The following COL4A4 variants were observed in gnomAD, a reference collection of about 807,000 sequenced individuals.
COL4A4 encodes the protein collagen type IV alpha 4 chain.
In COL4A4, 105 loss-of-function variants were observed where a neutral mutation model predicts 192.9. The observed-to-expected ratio is 0.54, with a 90% CI of 0.46 to 0.64. COL4A4 has a LOEUF of 0.64. COL4A4 is among the 30% of genes least tolerant of loss of function. The pLI is 0.00. For missense variants in COL4A4, 1,967 were observed against 2,169.3 expected, an observed-to-expected ratio of 0.91 and a Z score of 1.85; for synonymous variants, 762 against 769.9, an observed-to-expected ratio of 0.99 and a Z score of 0.17.
At position 227,130,191 on chromosome 2, in the gene COL4A4, G is replaced by C. The variant is rs2062357744; in HGVS notation, c.193-9043C>G. Among the ~76,000 whole-genome samples, 3 of 152,210 alleles carry C rather than the reference G, an allele frequency of 2.0e-5. No individual in the cohort carries two copies. The South Asian group carries it at 6.2e-4, about 31-fold the overall frequency. On this transcript the variant is annotated intron_variant, in intron 4 of 47. Coordinates refer to ENST00000396625, the MANE Select transcript of COL4A4 (RefSeq NM_000092.5). ...TAAAGTAACCGCACTTGTTCACAAT[G>C]AAATAGGGGCAACTGAGGGATTTAG... is the stretch of plus-strand genomic sequence containing the variant.
At chr2:227,052,843 A>C (rs1300844349) in intron 31 of COL4A4, among the ~76,000 whole-genome samples, 1 of 152,100 alleles carries the variant, frequency 6.6e-6, no homozygotes, top group Non-Finnish European at 1.5e-5. Flanking sequence ...ACTTATCTCA[A>C]TGTGGTACCC....
At chr2:227,052,780 C>T (rs1576146805) in intron 31 of COL4A4, among the ~76,000 whole-genome samples, 1 of 152,186 alleles carries the variant, frequency 6.6e-6, no homozygotes, top group African/African-American at 2.4e-5. Flanking sequence ...TTTCCAGTTC[C>T]ATATCTCCTC....
At chr2:227,008,396 G>A (rs552688785) in intron 46 of COL4A4, 92 bp from the exon 47 acceptor site, 39 of 1,422,536 alleles carry the variant, frequency 2.7e-5, no homozygotes, top group Admixed American at 1.1e-4. Flanking sequence ...TTGCAGATAC[G>A]TGTTCTGAAA....
chr2:227,126,082 C>T (rs890454995), intron 4 of COL4A4, among the ~76,000 whole-genome samples: 4 of 152,110 alleles, frequency 2.6e-5, no homozygotes, highest in African/African-American at 7.2e-5. Flanking sequence ...AATCAATAAA[C>T]AGAAAAGAAC....
intron 37 of COL4A4, among the ~76,000 whole-genome samples, chr2:227,041,848 G>GAAAGAGAGAGAGAGAGAA (rs1243663359): frequency 1.8e-4 from 7 of 38,692 alleles, no homozygotes; most frequent in Non-Finnish European, 2.8e-4. Flanking sequence ...AAGAAAGAAA[G>GAAAGAGAGAGAGAGAGAA]AGAAAGAAAG....
Position 227,060,163 on chromosome 2 carries a change from C to T in COL4A4, c.2137G>A (p.Gly713Arg). ...GGTGGACCTGGTATTTCCGCTGTTC[C>T]TGGTGTGCCAGGTCTGCCTTTATGC... ...DGHKGRPGTP[G>R]TAEIPGPPGF... Residue 713 changes from glycine to arginine, a missense_variant, in exon 27 of 48, where the codon GGA becomes AGA. Physicochemically the swap from Gly to Arg is moderately radical, Grantham distance 125. Coordinates refer to ENST00000396625, the MANE Select transcript of COL4A4 (RefSeq NM_000092.5). The T allele has an allele frequency of 6.3e-7, 1 of 1,595,974 alleles. No individual in the cohort carries two copies.
At chr2:226,988,623 C>T in the COL4A4 span, 2 of 1,344,670 alleles carry the variant, frequency 1.5e-6, no homozygotes, top group Non-Finnish European at 1.9e-6. Context: ...TCCGAGCAGA[C>T]ACATTGGCCC....
intron 16 of COL4A4, 131 bp downstream of exon 16, chr2:227,101,734 G>A: frequency 9.6e-7 from 1 of 1,046,616 alleles, no homozygotes; most frequent in Non-Finnish European, 1.4e-6. Flanking sequence ...GCTAAATCCT[G>A]CAATCCATAA....
chr2:226,987,926 A>T, the COL4A4 span, among the ~76,000 whole-genome samples: 1 of 152,180 alleles, frequency 6.6e-6, no homozygotes, highest in East Asian at 1.9e-4. Flanking sequence ...TGCACACTTC[A>T]GATTAAGGAC....
intron 3 of COL4A4, among the ~76,000 whole-genome samples, chr2:227,142,634 G>A (rs1260344382): frequency 6.6e-6 from 1 of 151,952 alleles, no homozygotes; most frequent in African/African-American, 2.4e-5. Context: ...GCACATGCCT[G>A]GAATCCCAGC....
chr2:226,998,080 C>G (rs1386930927), downstream of COL4A4: 1 of 152,196 alleles, frequency 6.6e-6, no homozygotes, highest in African/African-American at 2.4e-5. Flanking sequence ...CCCTGATTGT[C>G]TGTTAAGCCC....
intron 19 of COL4A4, among the ~76,000 whole-genome samples, chr2:227,095,500 T>G (rs1004183202): frequency 1.3e-5 from 2 of 152,168 alleles, no homozygotes; most frequent in African/African-American, 4.8e-5. Context: ...TCAGTGAATG[T>G]TCAGTGTGTT....
chr2:227,027,492 G>T (rs912914461), intron 42 of COL4A4, among the ~76,000 whole-genome samples: 1 of 140,242 alleles, frequency 7.1e-6, no homozygotes, highest in Non-Finnish European at 1.5e-5. Flanking sequence ...TGGGAGGAGG[G>T]GGGAGGGGGG....
At chr2:227,047,731 C>CCACACA (rs71036155) in intron 34 of COL4A4, among the ~76,000 whole-genome samples, 182 bp from the exon 35 acceptor site, 5,230 of 146,278 alleles carry the variant, frequency 0.036, 133 homozygotes, top group African/African-American at 0.059. Context: ...AATTTACATA[C>CCACACA]CACACACACA....
At chr2:226,990,164 T>C in the COL4A4 span, among the ~76,000 whole-genome samples, 1 of 152,214 alleles carries the variant, frequency 6.6e-6, no homozygotes, top group African/African-American at 2.4e-5. Flanking sequence ...ATCTCCCCTT[T>C]TCATGTCTTG....
chr2:227,070,875 TAATAAATA>T lies in COL4A4; in HGVS notation c.1987+7011_1987+7018del, dbSNP rs146033855. 4.1e-4 allele frequency among the ~76,000 whole-genome samples: 62 copies of T among 149,834 alleles called. 1 individual carries two copies. The highest frequency in any genetic ancestry group is 4.2e-4 in the South Asian group (2 of 4,740). ...ATGTACCCTAAAACTTAAAGTATAA[TAATAAATA>T]AATAAATAAATAAATAAATGCTAAA... is the stretch of plus-strand genomic sequence containing the variant. On this transcript the variant is annotated intron_variant, in intron 25 of 47. Coordinates refer to ENST00000396625, the MANE Select transcript of COL4A4 (RefSeq NM_000092.5).
Position 227,030,459 on chromosome 2 carries a change from T to C in COL4A4, c.3957A>G (p.Gly1319=), listed in dbSNP as rs758115033. The C allele has an allele frequency of 3.2e-5, 51 of 1,614,098 alleles. No homozygotes were observed. The South Asian group carries it at 5.4e-4, about 17-fold the overall frequency. Residue 1319 remains glycine (G), a synonymous_variant, in exon 41 of 48, where the codon GGA becomes GGG. Coordinates refer to ENST00000396625, the MANE Select transcript of COL4A4 (RefSeq NM_000092.5). The part of the protein sequence containing the change: ...PGYKGFPGCD[G]KDGQKGPVGF... ...CATTCATACCTTTCTGGCCATCTTTTCCATCACATCCTGGAAAGCCTTTGT... is the reference window on the plus strand; with the variant it reads ...CATTCATACCTTTCTGGCCATCTTTCCCATCACATCCTGGAAAGCCTTTGT...
At chr2:227,111,288 G>C (rs530072229) in intron 9 of COL4A4, among the ~76,000 whole-genome samples, 8 of 152,122 alleles carry the variant, frequency 5.3e-5, no homozygotes, top group Admixed American at 1.3e-4. Flanking sequence ...CAAAATGGTA[G>C]CGAGAAGCAA....
the COL4A4 span, among the ~76,000 whole-genome samples, chr2:226,992,159 A>C: frequency 3.9e-5 from 6 of 152,246 alleles, no homozygotes; most frequent in Admixed American, 6.5e-5. Context: ...AATTTGACAC[A>C]TGAATGCAAA....
Sources: allele counts gnomAD v4.1 joint callset (sites outside exome capture counted in the v4.1 genomes callset), GRCh38; gene constraint gnomAD v4.1.1; transcripts MANE v1.5; gene names NCBI Gene and HGNC (gene_info 2026-07-23, HGNC 2026-07-21).